RPAP2: variants seen among roughly 807,000 people sequenced by gnomAD.
RPAP2 encodes putative RNA polymerase II subunit B1 CTD phosphatase RPAP2.
Under a neutral mutation model 73.1 loss-of-function variants are expected in RPAP2, and 52 were observed. The ratio of observed to expected loss-of-function variants is 0.71; its 90% CI spans 0.57 to 0.90. The LOEUF is 0.90. RPAP2 is among the 40% of genes least tolerant of loss of function. The pLI, the probability that RPAP2 is intolerant of heterozygous loss-of-function variation, is 0.00. For synonymous variants in RPAP2, 225 were observed against 242.1 expected, an observed-to-expected ratio of 0.93 and a Z score of 0.65; for missense variants, 598 against 701.8, an observed-to-expected ratio of 0.85 and a Z score of 1.67.
chr1:92,397,856 C>G lies in RPAP2; in HGVS notation c.*10845C>G, dbSNP rs1656221939. On this transcript the variant is annotated 3_prime_UTR_variant, in exon 13 of 13. Transcript: ENST00000610020. Reference sequence around the variant, plus strand: ...AAGCATGTCAGACAGACACAGGAGCCAATCTGAAAGAGCTCCCTGGCCGGG... The same window carrying G: ...AAGCATGTCAGACAGACACAGGAGCGAATCTGAAAGAGCTCCCTGGCCGGG... 6.6e-6 allele frequency: 1 copy of G among 152,264 alleles called. No individual in the cohort carries two copies. The highest frequency in any genetic ancestry group is 2.1e-4 in the South Asian group (1 of 4,824). The allele number at this position is 152,264 out of a possible 1,614,324, so 9.4% of individuals were successfully genotyped here. A position where few individuals can be genotyped will look rare whatever the true frequency, so the allele number is the denominator to read the frequency against.
intron 11 of RPAP2, among the ~76,000 whole-genome samples, chr1:92,354,690 ATC>A (rs1654377105): frequency 1.3e-5 from 2 of 152,168 alleles, no homozygotes; most frequent in African/African-American, 2.4e-5. Flanking sequence ...CAAAGTTTTT[ATC>A]TCTGTTTTCT....
At chr1:92,375,430 C>T (rs147987328) in intron 11 of RPAP2, among the ~76,000 whole-genome samples, 2 of 152,280 alleles carry the variant, frequency 1.3e-5, no homozygotes, top group Non-Finnish European at 2.9e-5. Flanking sequence ...TGCAGTGGCT[C>T]ACACCTGTAA....
intron 10 of RPAP2, 151 bp downstream of exon 10, chr1:92,336,578 T>A (rs1337402808): frequency 3.4e-6 from 2 of 592,204 alleles, no homozygotes; most frequent in East Asian, 5.9e-5. Flanking sequence ...CTAAACAACA[T>A]TATTTCTCTC....
At chr1:92,362,109 T>C (rs1344005441) in intron 11 of RPAP2, among the ~76,000 whole-genome samples, 3 of 152,220 alleles carry the variant, frequency 2.0e-5, no homozygotes, top group Non-Finnish European at 4.4e-5. Context: ...TTTTAAAACA[T>C]AGCCTTGCAA....
chr1:92,303,463 C>T lies in RPAP2; in HGVS notation c.235-514C>T, dbSNP rs971751357. Among the ~76,000 whole-genome samples the T allele has an allele frequency of 4.6e-5, 7 of 152,300 alleles. No individual in the cohort carries two copies. The East Asian group carries it at 9.6e-4, about 21-fold the overall frequency. ...TGATGTTAGCTTATAACCATCACCT[C>T]ACCACTCTGTACAGATTTTTCAGAA... On this transcript the variant is annotated intron_variant, in intron 3 of 12. Transcript: ENST00000610020.
chr1:92,319,689 G>C (rs986351121), intron 6 of RPAP2, among the ~76,000 whole-genome samples: 35 of 152,156 alleles, frequency 2.3e-4, no homozygotes, highest in Admixed American at 2.0e-4. Context: ...TAAGAAACCA[G>C]ACTTAAACAT....
chr1:92,302,843 G>A (rs12135599), intron 3 of RPAP2, among the ~76,000 whole-genome samples: 1 of 151,638 alleles, frequency 6.6e-6, no homozygotes, highest in Non-Finnish European at 1.5e-5. Flanking sequence ...CTCGTGATCC[G>A]CCCGCGTCGG....
Position 92,311,814 on chromosome 1 carries a change from G to A in RPAP2, c.488+4538G>A, listed in dbSNP as rs141044354. Among the ~76,000 whole-genome samples the A allele has an allele frequency of 2.6e-3, 390 of 152,238 alleles. 3 individuals carry two copies. Among genetic ancestry groups the A allele is most frequent in the South Asian group, 9.3e-3 (45 of 4,816 alleles). On this transcript the variant is annotated intron_variant, in intron 6 of 12. Transcript: ENST00000610020. ...TGTAGTCTTTTAAATGTGCAGTAGC[G>A]TTATATCTTTAAAAAATAATGTACA...
At chr1:92,371,833 A>C (rs1158365545) in intron 11 of RPAP2, among the ~76,000 whole-genome samples, 1 of 144,014 alleles carries the variant, frequency 6.9e-6, no homozygotes, top group Non-Finnish European at 1.5e-5. Flanking sequence ...TTGAGGCTGC[A>C]GTGAGCTCCG....
At chr1:92,300,365 G>T in intron 2 of RPAP2, 126 bp downstream of exon 2, 6 of 700,082 alleles carry the variant, frequency 8.6e-6, no homozygotes, top group Non-Finnish European at 9.6e-6. Context: ...GGAAGGGAAA[G>T]ATCTGGGAAG....
At chr1:92,381,091 G>A (rs1478842752) in intron 12 of RPAP2, among the ~76,000 whole-genome samples, 1 of 151,966 alleles carries the variant, frequency 6.6e-6, no homozygotes, top group Non-Finnish European at 1.5e-5. Flanking sequence ...TCTCTTGTAG[G>A]TTACAACAGT....
intron 10 of RPAP2, among the ~76,000 whole-genome samples, chr1:92,336,877 T>C (rs574517982): frequency 6.6e-6 from 1 of 152,182 alleles, no homozygotes; most frequent in South Asian, 2.1e-4. Flanking sequence ...TAATATTGAA[T>C]TACACAGAAC....
At chr1:92,344,514 A>G (rs775914346) in intron 10 of RPAP2, among the ~76,000 whole-genome samples, 6 of 152,262 alleles carry the variant, frequency 3.9e-5, no homozygotes, top group Non-Finnish European at 7.3e-5. Context: ...TTTTATAAAT[A>G]TGCCACAGTT....
In RPAP2 at chr1:92,399,588, A is replaced by G. The variant is rs1470034490; in HGVS notation, c.*12577A>G. ...TACTGTAATGTTTTGAAGTTGACAC[A>G]TATAATTTAATGTAGTTTCATGTCA... On this transcript the variant is annotated 3_prime_UTR_variant, in exon 13 of 13. Transcript: ENST00000610020. The G allele has an allele frequency of 6.6e-6, 1 of 152,188 alleles. No individual in the cohort carries two copies. Among genetic ancestry groups the G allele is most frequent in the African/African-American group, 2.4e-5 (1 of 41,448 alleles). 9.4% of individuals were successfully genotyped at this position (152,188 alleles called of 1,614,324 possible).
chr1:92,335,008 AAATT>A (rs1005410366), intron 9 of RPAP2, among the ~76,000 whole-genome samples: 2 of 151,886 alleles, frequency 1.3e-5, no homozygotes, highest in African/African-American at 2.4e-5. Flanking sequence ...ATAAAAATAA[AAATT>A]AATCGGGTGT....
At chr1:92,330,534 A>G (rs1201807404) in intron 8 of RPAP2, among the ~76,000 whole-genome samples, 1 of 129,968 alleles carries the variant, frequency 7.7e-6, no homozygotes, top group Non-Finnish European at 1.5e-5. Flanking sequence ...TGCAAACTCC[A>G]CCTCCTGGGT....
At position 92,349,847 on chromosome 1, in the gene RPAP2, C is replaced by T. The variant is rs12567700; in HGVS notation, c.1688+3933C>T. Among the ~76,000 whole-genome samples, 266 of 152,232 alleles carry T rather than the reference C, an allele frequency of 1.7e-3. 3 individuals carry two copies. Among genetic ancestry groups the T allele is most frequent in the African/African-American group, 5.8e-3 (243 of 41,554 alleles). On this transcript the variant is annotated intron_variant, in intron 11 of 12. Coordinates refer to ENST00000610020, the MANE Select transcript of RPAP2 (RefSeq NM_024813.3). ...GGAAGCTGTGGTGGGAGGATCTCTTCAGCCCAGGAGATCAAGGTGCAGAGA... is the reference window on the plus strand; with the variant it reads ...GGAAGCTGTGGTGGGAGGATCTCTTTAGCCCAGGAGATCAAGGTGCAGAGA...
rs190773619 is a variant in RPAP2, at chr1:92,360,213, A to G, written c.1688+14299A>G. 2.4e-3 allele frequency among the ~76,000 whole-genome samples: 365 copies of G among 152,340 alleles called. 2 individuals carry two copies. Among genetic ancestry groups the G allele is most frequent in the Non-Finnish European group, 3.8e-3 (261 of 68,030 alleles). On this transcript the variant is annotated intron_variant, in intron 11 of 12. Transcript: ENST00000610020. ...AAGTGTCAAGAAAAATGTAGTAACT[A>G]CCTTTCTAGAGATGAAGTAGTTGCT... is the stretch of plus-strand genomic sequence containing the variant.
intron 4 of RPAP2, 87 bp from the exon 5 acceptor site, chr1:92,304,197 T>C: frequency 9.0e-7 from 1 of 1,113,730 alleles, no homozygotes; most frequent in Admixed American, 2.0e-5. Context: ...TGGCCAATGA[T>C]ATGATATGTA....
Sources: allele counts gnomAD v4.1 joint callset (sites outside exome capture counted in the v4.1 genomes callset), GRCh38; gene constraint gnomAD v4.1.1; transcripts MANE v1.5; gene names NCBI Gene and HGNC (gene_info 2026-07-23, HGNC 2026-07-21).